Variants in HSH2D observed in about 807,000 individuals in gnomAD.
HSH2D encodes the protein hematopoietic SH2 domain-containing protein.
Under a neutral mutation model 21.5 loss-of-function variants are expected in HSH2D, and 16 were observed. The ratio of observed to expected loss-of-function variants is 0.74; its 90% CI spans 0.50 to 1.13. The LOEUF (loss-of-function observed/expected upper bound fraction) is 1.13. Ranked by LOEUF, HSH2D falls within the 50% of genes most tolerant of loss-of-function variation. The pLI is 0.00. For synonymous variants in HSH2D, 172 were observed against 184.7 expected (o/e 0.93, Z 0.56); for missense variants, 418 against 441.4 (o/e 0.95, Z 0.47).
rs373869258 is a variant in HSH2D, at chr19:16,148,848, A to G, written c.98A>G (p.Glu33Gly). The change falls in exon 2 of 6, where the codon GAG (glutamate) becomes GGG (glycine). Residue 33 changes from glutamate to glycine, a missense_variant. Glu to Gly is a moderately conservative substitution (Grantham distance 98). Coordinates refer to ENST00000613986, the MANE Select transcript of HSH2D (RefSeq NM_001382417.1). Reference sequence around the variant, plus strand: ...CAGCTGGCCCAAGACGGGGTCCCCGAGTGGTTCCATGGTGCAATCTCAAGA... The same window carrying G: ...CAGCTGGCCCAAGACGGGGTCCCCGGGTGGTTCCATGGTGCAATCTCAAGA... The part of the protein sequence containing the change: ...MGQLAQDGVP[E>G]WFHGAISRED... The G allele has an allele frequency of 4.4e-4, 703 of 1,613,506 alleles. 6 individuals are homozygous for G. The South Asian group carries it at 5.0e-3, about 11-fold the overall frequency.
chr19:16,134,959 TAAAAA>T, intron 1 of HSH2D, among the ~76,000 whole-genome samples: 1 of 117,508 alleles, frequency 8.5e-6, no homozygotes. Flanking sequence ...ACCCCATCTC[TAAAAA>T]AAAAAAAAAA....
At chr19:16,146,193 G>T (rs16981122) in intron 1 of HSH2D, among the ~76,000 whole-genome samples, 2,960 of 152,168 alleles carry the variant, frequency 0.019, 95 homozygotes, top group African/African-American at 0.068. Context: ...GCAAAACGGT[G>T]CTGCTTTCTC....
rs566942331 is a variant in HSH2D, at chr19:16,137,350, G to A, written c.-324+3115G>A. Among the ~76,000 whole-genome samples the A allele has an allele frequency of 8.5e-4, 130 of 152,094 alleles. 2 individuals are homozygous for A. In the Middle Eastern group the frequency reaches 0.027, roughly 32 times the overall value. On this transcript the variant is annotated intron_variant, in intron 1 of 7. Coordinates refer to the HSH2D transcript ENST00000616645. Reference sequence around the variant, plus strand: ...TATTTTAAAGCAGGGTCATCCGGCCGGGCGCGGTAGCTCACACCTATAATC... The same window carrying A: ...TATTTTAAAGCAGGGTCATCCGGCCAGGCGCGGTAGCTCACACCTATAATC...
In HSH2D at chr19:16,154,455, C is replaced by G. The variant is rs367861665; in HGVS notation, c.438C>G (p.Ala146=). 4.5e-6 allele frequency: 7 copies of G among 1,552,752 alleles called. No individual in the cohort carries two copies. In the African/African-American group the frequency reaches 9.6e-5, roughly 21 times the overall value. ...EDLFLYSNAV[A]EEAACPVSAP... is the part of the protein sequence containing the mutation. ...TCTTCCTCTACTCCAACGCAGTGGC[C>G]GAGGAAGCTGCCTGCCCGGTGTCTG... Residue 146 remains alanine, a synonymous_variant, in exon 5 of 6, where the codon GCC becomes GCG. Coordinates refer to ENST00000613986, the MANE Select transcript of HSH2D (RefSeq NM_001382417.1).
intron 1 of HSH2D, 40 bp downstream of exon 1, chr19:16,143,814 C>T (rs112468498): frequency 2.7e-5 from 11 of 413,290 alleles, no homozygotes; most frequent in African/African-American, 1.5e-4. Context: ...GGAGACAGAA[C>T]GTGGGGGCTG....
intron 2 of HSH2D, among the ~76,000 whole-genome samples, chr19:16,150,425 G>A (rs963533140): frequency 2.0e-5 from 3 of 151,938 alleles, no homozygotes; most frequent in African/African-American, 7.3e-5. Context: ...TGTAATCCCA[G>A]CTACTCGAGA....
upstream of HSH2D, among the ~76,000 whole-genome samples, chr19:16,140,653 T>G (rs1255841203): frequency 6.6e-6 from 1 of 151,046 alleles, no homozygotes; most frequent in Non-Finnish European, 1.5e-5. Flanking sequence ...ATCCTAACAC[T>G]TTGGGAGGCT....
At chr19:16,139,477 G>A (rs550066839), upstream of HSH2D, among the ~76,000 whole-genome samples, 3 of 152,294 alleles carry the variant, frequency 2.0e-5, no homozygotes, top group African/African-American at 7.2e-5. Context: ...AGCTACTTGG[G>A]AGGCTGAGGC....
chr19:16,155,792 G>C (rs2091229303), intron 5 of HSH2D: 1 of 152,286 alleles, frequency 6.6e-6, no homozygotes, highest in South Asian at 2.1e-4. Context: ...ATTTTTAGTA[G>C]AGACGGGGTT....
At chr19:16,149,636 G>T (rs990113103) in intron 2 of HSH2D, among the ~76,000 whole-genome samples, 1 of 150,494 alleles carries the variant, frequency 6.6e-6, no homozygotes, top group Non-Finnish European at 1.5e-5. Flanking sequence ...GCCCAGGCTG[G>T]TGTGTAGTGG....
intron 1 of HSH2D, among the ~76,000 whole-genome samples, chr19:16,136,023 G>A (rs1315244792): frequency 6.6e-6 from 1 of 152,132 alleles, no homozygotes; most frequent in Non-Finnish European, 1.5e-5. Flanking sequence ...CCCAGGCATT[G>A]CAAACTCAGT....
intron 4 of HSH2D, 135 bp from the exon 5 acceptor site, chr19:16,154,264 T>A: frequency 1.8e-6 from 1 of 557,352 alleles, no homozygotes; most frequent in East Asian, 3.1e-5. Context: ...TATTTTCTTA[T>A]AACGCTTAGT....
intron 1 of HSH2D, among the ~76,000 whole-genome samples, chr19:16,134,413 A>C (rs2145002492): frequency 6.6e-6 from 1 of 152,318 alleles, no homozygotes; most frequent in East Asian, 1.9e-4. Flanking sequence ...CCACGCATGT[A>C]GGGAAGTTTT....
intron 2 of HSH2D, 46 bp from the exon 3 acceptor site, chr19:16,152,506 G>A: frequency 8.0e-7 from 1 of 1,247,046 alleles, no homozygotes; most frequent in Non-Finnish European, 1.1e-6. Context: ...ACTGGTACGT[G>A]GGGCGGCTGG....
chr19:16,156,214 T>C (rs571134699), intron 5 of HSH2D, among the ~76,000 whole-genome samples: 19 of 151,598 alleles, frequency 1.3e-4, no homozygotes, highest in African/African-American at 4.6e-4. Context: ...TAGCCAGGCA[T>C]GGTGGCGCAC....
At chr19:16,140,572 T>C (rs1444994975), upstream of HSH2D, among the ~76,000 whole-genome samples, 1 of 151,918 alleles carries the variant, frequency 6.6e-6, no homozygotes, top group African/African-American at 2.4e-5. Flanking sequence ...ACCACTGTAC[T>C]CCAGCCGGGG....
chr19:16,140,384 C>A (rs1001490429), upstream of HSH2D, among the ~76,000 whole-genome samples: 3 of 152,140 alleles, frequency 2.0e-5, no homozygotes, highest in Non-Finnish European at 4.4e-5. Flanking sequence ...GTGGGCAGAC[C>A]ACTTGAGGTC....
intron 5 of HSH2D, among the ~76,000 whole-genome samples, chr19:16,156,808 T>C (rs1159915422): frequency 6.6e-6 from 1 of 152,012 alleles, no homozygotes; most frequent in Non-Finnish European, 1.5e-5. Flanking sequence ...GCCAACATGG[T>C]GAAACCATGT....
chr19:16,137,130 C>T (rs564050263), intron 1 of HSH2D, among the ~76,000 whole-genome samples: 4 of 152,162 alleles, frequency 2.6e-5, no homozygotes, highest in Admixed American at 6.5e-5. Context: ...CACATGCCCT[C>T]AACAACTGAA....
Sources: gnomAD v4.1 joint callset for allele counts (sites outside exome capture counted in the v4.1 genomes callset) on GRCh38, gnomAD v4.1.1 for gene constraint, MANE v1.5 for transcripts, NCBI Gene and HGNC (gene_info 2026-07-23, HGNC 2026-07-21) for gene names.